GLIS1: variants seen among roughly 807,000 people sequenced by gnomAD.
The protein encoded by GLIS1 is zinc finger protein GLIS1.
Under a neutral mutation model 63.8 loss-of-function variants are expected in GLIS1, and 24 were observed. That is an observed-to-expected ratio of 0.38 (90% CI 0.27 to 0.53). The LOEUF is 0.53. Among genes scored for constraint, GLIS1 ranks in the 20% least tolerant of loss-of-function variants. GLIS1 has a pLI of 0.85. For synonymous variants in GLIS1, 450 were observed against 482.5 expected (o/e 0.93, Z 0.88); for missense variants, 1,036 against 1,074.1 (o/e 0.96, Z 0.50).
At chr1:53,685,790 G>A (rs1186560848) in intron 2 of GLIS1, among the ~76,000 whole-genome samples, 1 of 152,186 alleles carries the variant, frequency 6.6e-6, no homozygotes, top group African/African-American at 2.4e-5. Flanking sequence ...ACCACGGTCT[G>A]AGGCTCCTGC....
At chr1:53,656,246 A>G (rs1162363957) in intron 2 of GLIS1, among the ~76,000 whole-genome samples, 3 of 152,144 alleles carry the variant, frequency 2.0e-5, no homozygotes, top group African/African-American at 7.2e-5. Context: ...TCACAGGCAC[A>G]CCACCCCATT....
At chr1:53,673,106 C>T (rs1253730692) in intron 2 of GLIS1, among the ~76,000 whole-genome samples, 1 of 152,198 alleles carries the variant, frequency 6.6e-6, no homozygotes, top group South Asian at 2.1e-4. Context: ...AGGTGGAAGC[C>T]TTGTTCCAAT....
intron 2 of GLIS1, among the ~76,000 whole-genome samples, chr1:53,635,708 A>G (rs1030219169): frequency 6.6e-6 from 1 of 152,224 alleles, no homozygotes. Context: ...AACTACTGAC[A>G]AAGACCACAA....
At chr1:53,564,620 T>C (rs747308165) in intron 4 of GLIS1, among the ~76,000 whole-genome samples, 2 of 152,030 alleles carry the variant, frequency 1.3e-5, no homozygotes, top group Non-Finnish European at 2.9e-5. Context: ...AGGAAAAACA[T>C]ACCTAAAACA....
At chr1:53,519,851 T>G (rs1644388716) in intron 7 of GLIS1, among the ~76,000 whole-genome samples, 1 of 151,874 alleles carries the variant, frequency 6.6e-6, no homozygotes, top group African/African-American at 2.4e-5. Context: ...GGAGCAGGAG[T>G]CAAGGCCAGG....
At chr1:53,675,586 G>A (rs1163827235) in intron 2 of GLIS1, among the ~76,000 whole-genome samples, 2 of 152,184 alleles carry the variant, frequency 1.3e-5, no homozygotes, top group East Asian at 3.8e-4. Flanking sequence ...ATGAAGCAAG[G>A]AGCTGTGCAA....
At chr1:53,703,973 G>A (rs992237342) in intron 2 of GLIS1, among the ~76,000 whole-genome samples, 3 of 152,150 alleles carry the variant, frequency 2.0e-5, no homozygotes, top group African/African-American at 7.2e-5. Flanking sequence ...AACCAAAACC[G>A]CACACATTTA....
chr1:53,691,732 C>T (rs919796605), intron 2 of GLIS1, among the ~76,000 whole-genome samples: 1 of 152,190 alleles, frequency 6.6e-6, no homozygotes, highest in Non-Finnish European at 1.5e-5. Context: ...TTCTGCACAG[C>T]TCCACCTTAC....
intron 2 of GLIS1, among the ~76,000 whole-genome samples, chr1:53,688,143 C>T (rs1036765920): frequency 6.6e-6 from 1 of 152,222 alleles, no homozygotes; most frequent in Non-Finnish European, 1.5e-5. Flanking sequence ...TGCTGACACC[C>T]GCTCTCGGTC....
chr1:53,659,917 CTGTT>C lies in GLIS1; in HGVS notation c.260-59643_260-59640del, dbSNP rs58659987. Among the ~76,000 whole-genome samples, 1,030 of 152,314 alleles carry C rather than the reference CTGTT, an allele frequency of 6.8e-3. 12 individuals carry two copies. Among genetic ancestry groups the C allele is most frequent in the African/African-American group, 0.022 (908 of 41,570 alleles). On this transcript the variant is annotated intron_variant, in intron 2 of 10. Coordinates refer to ENST00000628545, the MANE Select transcript of GLIS1 (RefSeq NM_001367484.1). ...GTAGATGTTGACTTTTTCTTTTTAA[CTGTT>C]TGAGGCACTGGAACAAAAAGGCCCC...
chr1:53,602,031 G>C (rs934940421), intron 2 of GLIS1, among the ~76,000 whole-genome samples: 1 of 152,108 alleles, frequency 6.6e-6, no homozygotes, highest in East Asian at 1.9e-4. Flanking sequence ...AGCCACACGC[G>C]AGCCCGTGGA....
At chr1:53,604,944 A>ATGTGTGTGTATATATATATG in intron 2 of GLIS1, among the ~76,000 whole-genome samples, 1 of 5,208 alleles carries the variant, frequency 1.9e-4, no homozygotes, top group East Asian at 0.25. Flanking sequence ...ATATATATAC[A>ATGTGTGTGTATATATATATG]TATATATATA....
chr1:53,507,759 T>G (rs1569704560), intron 10 of GLIS1, among the ~76,000 whole-genome samples: 1 of 151,972 alleles, frequency 6.6e-6, no homozygotes, highest in African/African-American at 2.4e-5. Flanking sequence ...CCCTGGCCGG[T>G]GTAGGGCCGG....
rs112924581 is a variant in GLIS1, at chr1:53,705,035, G to A, written c.259+32771C>T. 1.8e-3 allele frequency among the ~76,000 whole-genome samples: 278 copies of A among 152,308 alleles called. 1 individual carries two copies. The highest frequency in any genetic ancestry group is 6.6e-3 in the African/African-American group (273 of 41,560). On this transcript the variant is annotated intron_variant, in intron 2 of 10. Coordinates refer to ENST00000628545, the MANE Select transcript of GLIS1 (RefSeq NM_001367484.1). ...ATGAATTCACACCTGCCCCCAACAC[G>A]TACCTAACAGCATTGCGCCAAAGAG... is the stretch of plus-strand genomic sequence containing the variant.
In GLIS1 at chr1:53,526,526, TACACAC is replaced by T. The variant is rs112780974; in HGVS notation, c.1483-1645_1483-1640del. On this transcript the variant is annotated intron_variant, in intron 5 of 10. Transcript: ENST00000628545. This position sits in a 1 kb window ranked among gnomAD's most constrained non-coding sequence, Gnocchi z 4.4. ...GGTAGGCTCCCTCTCTCACACACCATACACACACACACACACACACACACACAAAAC... is the reference window on the plus strand; with the variant it reads ...GGTAGGCTCCCTCTCTCACACACCATACACACACACACACACACACAAAAC... 9.0e-5 allele frequency among the ~76,000 whole-genome samples: 13 copies of T among 144,950 alleles called. No homozygotes were observed. The highest frequency in any genetic ancestry group is 1.4e-4 in the Non-Finnish European group (9 of 65,266).
intron 4 of GLIS1, among the ~76,000 whole-genome samples, chr1:53,549,829 T>C (rs190493723): frequency 6.6e-5 from 10 of 152,292 alleles, no homozygotes; most frequent in African/African-American, 1.7e-4. Context: ...GTAGGTATGG[T>C]TGTTATTAAT....
In GLIS1 at chr1:53,555,313, G is replaced by A. The variant is rs145526708; in HGVS notation, c.1321-25361C>T. The stretch of plus-strand genomic sequence containing the variant: ...TGGGAGGCCGAGGCGGGCGGATCAC[G>A]AGGTCAGGAGATCGAGACCATCCTG... On this transcript the variant is annotated intron_variant, in intron 4 of 10. Coordinates refer to ENST00000628545, the MANE Select transcript of GLIS1 (RefSeq NM_001367484.1). Among the ~76,000 whole-genome samples the A allele has an allele frequency of 2.6e-3, 398 of 152,230 alleles. 1 individual carries two copies. The highest frequency in any genetic ancestry group is 9.1e-3 in the African/African-American group (379 of 41,532).
At chr1:53,569,347 C>T (rs1644962843) in intron 4 of GLIS1, among the ~76,000 whole-genome samples, 1 of 152,146 alleles carries the variant, frequency 6.6e-6, no homozygotes, top group African/African-American at 2.4e-5. Flanking sequence ...GTAACAAATG[C>T]ACCACTCTGG....
intron 4 of GLIS1, among the ~76,000 whole-genome samples, chr1:53,581,732 G>C (rs1645086747): frequency 6.6e-6 from 1 of 152,190 alleles, no homozygotes; most frequent in African/African-American, 2.4e-5. Flanking sequence ...GCCATGTAAA[G>C]AGCCAGAGGT....
Sources: gnomAD v4.1 joint callset for allele counts (sites outside exome capture counted in the v4.1 genomes callset) on GRCh38, gnomAD v4.1.1 for gene constraint, Gnocchi (gnomAD v3.1) non-coding constraint, MANE v1.5 for transcripts, NCBI Gene and HGNC (gene_info 2026-07-23, HGNC 2026-07-21) for gene names.